Variants in ZNF282 observed in about 807,000 individuals in gnomAD.
ZNF282 encodes the protein zinc finger protein 282, also known as HTLV-I U5 repressive element-binding protein 1.
Under a neutral mutation model 61.9 loss-of-function variants are expected in ZNF282, and 30 were observed. The ratio of observed to expected loss-of-function variants is 0.48; its 90% CI spans 0.36 to 0.66. The LOEUF is 0.66. Ranked by LOEUF, ZNF282 falls within the 30% of genes least tolerant of loss-of-function variation. ZNF282 has a pLI of 0.00. For missense variants in ZNF282, 788 were observed against 941.4 expected, an observed-to-expected ratio of 0.84 and a Z score of 2.13; for synonymous variants, 396 against 405.0, an observed-to-expected ratio of 0.98 and a Z score of 0.27.
Position 149,198,666 on chromosome 7 carries a change from C to T in ZNF282, c.499C>T (p.Arg167Trp), listed in dbSNP as rs993787422. 5 of 1,613,950 alleles carry T rather than the reference C, an allele frequency of 3.1e-6. No individual in the cohort carries two copies. Among genetic ancestry groups the T allele is most frequent in the Non-Finnish European group, 4.2e-6 (5 of 1,180,008 alleles). ...GCAGGAGTACGGGCTGCTGCAGAGG[C>T]GGCTGGAGAACTTGGAGAACTTGCT... ...LLQEYGLLQR[R>W]LENLENLLRN... The change falls in exon 2 of 8, where the codon CGG becomes TGG. Residue 167 changes from arginine to tryptophan, a missense_variant. Transcript: ENST00000610704. This position sits in a 1 kb window ranked among gnomAD's most constrained non-coding sequence, Gnocchi z 4.3.
At chr7:149,212,008 A>C (rs560262428) in intron 5 of ZNF282, among the ~76,000 whole-genome samples, 8 of 152,344 alleles carry the variant, frequency 5.3e-5, no homozygotes, top group Middle Eastern at 3.4e-3. Flanking sequence ...ATTTAAAAAA[A>C]GAGGCTTTCT....
chr7:149,198,793 A>G lies in ZNF282; in HGVS notation c.585+41A>G. ...TGGGGCAGGGATAGAGGTGAGGAAC[A>G]GCACAGGTGCATAAAATTCTTGATT... On this transcript the variant is annotated intron_variant, in intron 2 of 7. Transcript: ENST00000610704. The surrounding 1 kb of genome is among the most constrained non-coding windows in gnomAD (Gnocchi z 4.3). The G allele has an allele frequency of 6.4e-7, 1 of 1,550,858 alleles. No individual in the cohort carries two copies. The highest frequency in any genetic ancestry group is 8.7e-7 in the Non-Finnish European group (1 of 1,152,508).
At chr7:149,202,090 T>A in intron 2 of ZNF282, among the ~76,000 whole-genome samples, 1 of 151,934 alleles carries the variant, frequency 6.6e-6, no homozygotes, top group East Asian at 1.9e-4. Context: ...TCCCTGCCCT[T>A]ACTCGAATTT....
intron 4 of ZNF282, 32 bp downstream of exon 4, chr7:149,207,502 G>C (rs754504304): frequency 2.4e-5 from 37 of 1,554,564 alleles, no homozygotes; most frequent in Non-Finnish European, 3.2e-5. Flanking sequence ...GCGGGGTCCA[G>C]GGAAGGGCGA....
At chr7:149,218,295 A>G (rs1796190247) in intron 7 of ZNF282, among the ~76,000 whole-genome samples, 1 of 152,128 alleles carries the variant, frequency 6.6e-6, no homozygotes, top group South Asian at 2.1e-4. Context: ...AGCAGTGCAC[A>G]GGGAGAGAAA....
At chr7:149,209,573 A>G (rs1258642298) in intron 4 of ZNF282, among the ~76,000 whole-genome samples, 1 of 152,212 alleles carries the variant, frequency 6.6e-6, no homozygotes, top group Non-Finnish European at 1.5e-5. Context: ...TCAGTTGGTT[A>G]TCAAACCATC....
intron 1 of ZNF282, among the ~76,000 whole-genome samples, chr7:149,196,481 G>A (rs1795818636): frequency 6.6e-6 from 1 of 152,132 alleles, no homozygotes; most frequent in South Asian, 2.1e-4. Flanking sequence ...CCAGAATTGG[G>A]TATAAAACCA....
chr7:149,219,634 G>C (rs1035762413), intron 7 of ZNF282, among the ~76,000 whole-genome samples: 6 of 152,100 alleles, frequency 3.9e-5, no homozygotes, highest in African/African-American at 1.4e-4. Context: ...ATCATTTGAG[G>C]TCGGGAGTTC....
Position 149,198,878 on chromosome 7 carries a change from T to G in ZNF282, c.585+126T>G. 7.5e-7 allele frequency: 1 copy of G among 1,326,340 alleles called. No individual in the cohort carries two copies. Among genetic ancestry groups the G allele is most frequent in the Non-Finnish European group, 1.0e-6 (1 of 989,430 alleles). The allele number at this position is 1,326,340 out of a possible 1,614,324, so 82.2% of individuals were successfully genotyped here. ...CTCCCCGTTATCCAATTTCAGTGTC[T>G]TCTTAAAGCCTGTCTCCACTGAAAC... On this transcript the variant is annotated intron_variant, in intron 2 of 7. Coordinates refer to ENST00000610704, the MANE Select transcript of ZNF282 (RefSeq NM_003575.4). This position sits in a 1 kb window ranked among gnomAD's most constrained non-coding sequence, Gnocchi z 4.3.
chr7:149,205,252 A>G (rs1242794589), intron 2 of ZNF282, among the ~76,000 whole-genome samples: 1 of 151,754 alleles, frequency 6.6e-6, no homozygotes, highest in Non-Finnish European at 1.5e-5. Flanking sequence ...AGCCTGGCCA[A>G]TATGGCGAAA....
rs1431783504 is a variant in ZNF282, at chr7:149,206,711, G to A, written c.601G>A (p.Val201Ile). 1 of 1,614,058 alleles carries A rather than the reference G, an allele frequency of 6.2e-7. No individual in the cohort carries two copies. Among genetic ancestry groups the A allele is most frequent in the African/African-American group, 1.3e-5 (1 of 74,910 alleles). ...GEAPKVPVTF[V>I]DIAVYFSEDE... ...GTTGGCTTAGGTTCCAGTGACTTTT[G>A]TCGACATTGCTGTGTACTTCTCCGA... The change falls in exon 3 of 8, where the codon GTC (valine) becomes ATC (isoleucine). Residue 201 changes from valine to isoleucine, a missense_variant. Val to Ile is a conservative substitution (Grantham distance 29). Transcript: ENST00000610704.
rs138037857 is a variant in ZNF282 at position 149,199,820 on chromosome 7, G to C, written c.585+1068G>C. ...CACTTCCCCACTCCCATTTTATTTTGAAGCAAACCCCAGACATTAGTCATT... is the reference window on the plus strand; with the variant it reads ...CACTTCCCCACTCCCATTTTATTTTCAAGCAAACCCCAGACATTAGTCATT... On this transcript the variant is annotated intron_variant, in intron 2 of 7. Coordinates refer to ENST00000610704, the MANE Select transcript of ZNF282 (RefSeq NM_003575.4). Among the ~76,000 whole-genome samples the C allele has an allele frequency of 1.6e-3, 243 of 152,108 alleles. 1 individual carries two copies. Among genetic ancestry groups the C allele is most frequent in the Middle Eastern group, 0.01 (3 of 294 alleles).
Position 149,210,634 on chromosome 7 carries a change from T to A in ZNF282, c.882T>A (p.Arg294=). The A allele has an allele frequency of 6.2e-7, 1 of 1,612,252 alleles. No individual in the cohort carries two copies. Among genetic ancestry groups the A allele is most frequent in the Non-Finnish European group, 8.5e-7 (1 of 1,179,398 alleles). ...PAQDASSQVK[R]EDTLCVRGQR... ...AGGATGCGTCCTCCCAGGTGAAGCG[T>A]GAGGACACCCTGTGTGTCCGGGGTC... Residue 294 remains arginine (R), a synonymous_variant, in exon 5 of 8, where the codon CGT becomes CGA. Coordinates refer to ENST00000610704, the MANE Select transcript of ZNF282 (RefSeq NM_003575.4).
In ZNF282 at chr7:149,195,589, G is replaced by A. The variant is rs777116618; in HGVS notation, c.-1G>A. ...CCCGAGCGGGGAACAGCACTCCCAGGATGCAGTTTGTGTCAACACGGCCGC... is the reference window on the plus strand; with the variant it reads ...CCCGAGCGGGGAACAGCACTCCCAGAATGCAGTTTGTGTCAACACGGCCGC... On this transcript the variant is annotated 5_prime_UTR_variant, in exon 1 of 8. Coordinates refer to ENST00000610704, the MANE Select transcript of ZNF282 (RefSeq NM_003575.4). 6.2e-7 allele frequency: 1 copy of A among 1,610,532 alleles called. No individual in the cohort carries two copies. The highest frequency in any genetic ancestry group is 2.2e-5 in the East Asian group (1 of 44,556).
intron 6 of ZNF282, 95 bp from the exon 7 acceptor site, chr7:149,213,606 G>A (rs892864382): frequency 1.2e-6 from 1 of 836,070 alleles, no homozygotes; most frequent in Non-Finnish European, 2.0e-6. Flanking sequence ...TGCCCTGCAG[G>A]TTGCAGCCAC....
At position 149,225,479 on chromosome 7, in the gene ZNF282, C is replaced by G. The variant is rs1487892039; in HGVS notation, c.*832C>G. ...GAGGGCTCTTTCTCCATGGGAGCTC[C>G]TGGTGCCGCCTCGGCCCCAGCCTGT... On this transcript the variant is annotated 3_prime_UTR_variant, in exon 8 of 8. Coordinates refer to ENST00000610704, the MANE Select transcript of ZNF282 (RefSeq NM_003575.4). The G allele has an allele frequency of 6.6e-6, 1 of 152,368 alleles. No homozygotes were observed. Among genetic ancestry groups the G allele is most frequent in the Non-Finnish European group, 1.5e-5 (1 of 68,146 alleles). The allele number at this position is 152,368 out of a possible 1,614,324, so 9.4% of individuals were successfully genotyped here. A position where few individuals can be genotyped will look rare whatever the true frequency, so the allele number is the denominator to read the frequency against.
rs752657322 is a variant in ZNF282, at chr7:149,198,512, G to C, written c.345G>C (p.Gln115His). Residue 115 changes from glutamine (Q) to histidine (H), a missense_variant, in exon 2 of 8, where the codon CAG (glutamine) becomes CAC (histidine). Coordinates refer to ENST00000610704, the MANE Select transcript of ZNF282 (RefSeq NM_003575.4). The surrounding 1 kb of genome is among the most constrained non-coding windows in gnomAD (Gnocchi z 4.3). ...CTGTGGAGAGGAAGGTGGATGCCCA[G>C]GCCAGCCAGCTGCTGAACCTGGAGG... ...IQAVERKVDA[Q>H]ASQLLNLEGR... 1 of 1,614,174 alleles carries C rather than the reference G, an allele frequency of 6.2e-7. No homozygotes were observed. Among genetic ancestry groups the C allele is most frequent in the South Asian group, 1.1e-5 (1 of 91,082 alleles).
intron 1 of ZNF282, among the ~76,000 whole-genome samples, chr7:149,197,438 T>C (rs1017374894): frequency 1.3e-5 from 2 of 152,256 alleles, no homozygotes; most frequent in African/African-American, 2.4e-5. Context: ...TTTCCTTGAC[T>C]GCAGCCCTGG....
chr7:149,207,019 C>T (rs1186777611), intron 3 of ZNF282, among the ~76,000 whole-genome samples, 197 bp downstream of exon 3: 2 of 152,138 alleles, frequency 1.3e-5, no homozygotes, highest in Non-Finnish European at 2.9e-5. Flanking sequence ...AGTAACAGGG[C>T]CCATTACCAT....
Sources: gnomAD v4.1 joint callset for allele counts (sites outside exome capture counted in the v4.1 genomes callset) on GRCh38, gnomAD v4.1.1 for gene constraint, Gnocchi (gnomAD v3.1) non-coding constraint, MANE v1.5 for transcripts, NCBI Gene and HGNC (gene_info 2026-07-23, HGNC 2026-07-21) for gene names.